The following TTF2 variants were observed in gnomAD, a reference collection of about 807,000 sequenced individuals.
TTF2 encodes the protein transcription termination factor 2.
A neutral mutation model predicts 142.4 loss-of-function variants in TTF2; 108 were observed. That is an observed-to-expected ratio of 0.76 (90% CI 0.65 to 0.89). The LOEUF is 0.89. Among genes scored for constraint, TTF2 ranks in the 40% least tolerant of loss-of-function variants. The pLI, the probability that TTF2 is intolerant of heterozygous loss-of-function variation, is 0.00. For missense variants in TTF2, 1,327 were observed against 1,379.8 expected (o/e 0.96, Z 0.61); for synonymous variants, 483 against 506.2 (o/e 0.95, Z 0.61).
intron 3 of TTF2, among the ~76,000 whole-genome samples, chr1:117,068,878 A>T (rs994751341): frequency 1.3e-5 from 2 of 152,214 alleles, no homozygotes; most frequent in Admixed American, 1.3e-4. Flanking sequence ...TGTATAAAGT[A>T]TAGTAACCCT....
In TTF2 at chr1:117,076,552, T is replaced by C; in HGVS notation, c.1391-89T>C. 2 of 1,343,376 alleles carry C rather than the reference T, an allele frequency of 1.5e-6. No individual in the cohort carries two copies. The highest frequency in any genetic ancestry group is 2.0e-6 in the Non-Finnish European group (2 of 980,700). The allele number at this position is 1,343,376 out of a possible 1,614,324, so 83.2% of individuals were successfully genotyped here. ...GAATCCTTCATCGGAATGGTGATGA[T>C]CCCTCTCTCTTGACCTCACCTCCAC... On this transcript the variant is annotated intron_variant, in intron 6 of 22. Coordinates refer to ENST00000369466, the MANE Select transcript of TTF2 (RefSeq NM_003594.4). The surrounding 1 kb of genome is among the most constrained non-coding windows in gnomAD (Gnocchi z 4.6).
At chr1:117,072,324 C>T (rs1656643310) in intron 3 of TTF2, among the ~76,000 whole-genome samples, 1 of 151,934 alleles carries the variant, frequency 6.6e-6, no homozygotes, top group Admixed American at 6.6e-5. Context: ...TGTATCCTAT[C>T]CACTTCACCC....
At chr1:117,088,282 A>T (rs1213949787) in intron 12 of TTF2, among the ~76,000 whole-genome samples, 2 of 152,218 alleles carry the variant, frequency 1.3e-5, no homozygotes, top group East Asian at 3.9e-4. Flanking sequence ...TCATGCCTGT[A>T]ATCCCAGCAC....
At chr1:117,091,257 A>G in intron 15 of TTF2, 71 bp from the exon 16 acceptor site, 1 of 1,302,850 alleles carries the variant, frequency 7.7e-7, no homozygotes, top group Non-Finnish European at 1.1e-6. Context: ...TCAAGATCCC[A>G]CTGCAGGCAC....
Position 117,080,008 on chromosome 1 carries a change from CTTTT to C in TTF2, c.1783+374_1783+377del, listed in dbSNP as rs544511918. 2.2e-5 allele frequency among the ~76,000 whole-genome samples: 3 copies of C among 138,944 alleles called. No homozygotes were observed. The highest frequency in any genetic ancestry group is 5.3e-5 in the African/African-American group (2 of 38,028). 91.2% of individuals were successfully genotyped at this position (138,944 alleles called of 152,430 possible). ...ACAAACAGCAGTCTATTGCCTCCCT[CTTTT>C]TTTTTTTTTTTTTTGAGATGGAGTT... On this transcript the variant is annotated intron_variant, in intron 9 of 22. Coordinates refer to ENST00000369466, the MANE Select transcript of TTF2 (RefSeq NM_003594.4). The surrounding 1 kb of genome is among the most constrained non-coding windows in gnomAD (Gnocchi z 4.3).
chr1:117,086,531 G>A lies in TTF2; in HGVS notation c.2160+9G>A, dbSNP rs201317581. ...CAAACCTCAATGTGGAGGTGAGGCT[G>A]GGGGGCAGCCAGGGAAGTGGAGTTG... On this transcript the variant is annotated intron_variant, in intron 12 of 22. Transcript: ENST00000369466. This position sits in a 1 kb window ranked among gnomAD's most constrained non-coding sequence, Gnocchi z 4.2. 56 of 1,606,348 alleles carry A rather than the reference G, an allele frequency of 3.5e-5. No homozygotes were observed. In the Middle Eastern group the frequency reaches 5.0e-4, roughly 14 times the overall value.
At chr1:117,072,841 C>G (rs1366205360) in intron 3 of TTF2, among the ~76,000 whole-genome samples, 6 of 152,204 alleles carry the variant, frequency 3.9e-5, no homozygotes, top group South Asian at 4.1e-4. Flanking sequence ...ATTGCAGCCT[C>G]TGGCCTCAAA....
intron 3 of TTF2, among the ~76,000 whole-genome samples, chr1:117,072,422 C>CTTTTTT (rs34927356): frequency 6.9e-5 from 7 of 102,032 alleles, no homozygotes; most frequent in East Asian, 2.7e-4. Context: ...AAGATACGGA[C>CTTTTTT]TTTTTTTTTT....
At position 117,084,188 on chromosome 1, in the gene TTF2, G is replaced by A; in HGVS notation, c.2054+20G>A. ...CAGAGTGTAAGTGCAGGAATACGCA[G>A]TTGTGGGGGCGTTCAGCACCTCTGC... On this transcript the variant is annotated intron_variant, in intron 11 of 22. Transcript: ENST00000369466. The A allele has an allele frequency of 2.5e-6, 4 of 1,613,534 alleles. No homozygotes were observed. Among genetic ancestry groups the A allele is most frequent in the Non-Finnish European group, 3.4e-6 (4 of 1,179,490 alleles).
Position 117,090,643 on chromosome 1 carries a change from A to G in TTF2, c.2588+20A>G. ...ATCAAGGTGTGTGTATTAAAGAAGC[A>G]CCTTCTCACACACATTGTTTTATTC... On this transcript the variant is annotated intron_variant, in intron 15 of 22. Transcript: ENST00000369466. The surrounding 1 kb of genome is among the most constrained non-coding windows in gnomAD (Gnocchi z 4.8). 6.3e-7 allele frequency: 1 copy of G among 1,575,654 alleles called. No homozygotes were observed. Among genetic ancestry groups the G allele is most frequent in the South Asian group, 1.1e-5 (1 of 87,850 alleles).
intron 19 of TTF2, 150 bp from the exon 20 acceptor site, chr1:117,095,999 T>C: frequency 1.3e-6 from 1 of 748,620 alleles, no homozygotes. Flanking sequence ...AGATATGACC[T>C]AAATGTGTGC....
chr1:117,063,886 G>T lies in TTF2; in HGVS notation c.218+1413G>T, dbSNP rs1454985547. On this transcript the variant is annotated intron_variant, in intron 3 of 22. Coordinates refer to ENST00000369466, the MANE Select transcript of TTF2 (RefSeq NM_003594.4). The surrounding 1 kb of genome is among the most constrained non-coding windows in gnomAD (Gnocchi z 4.1). ...TAGTTTTACTTGAACTAATTTATGT[G>T]TGTGTGTATATTCTATACAATTTTA... is the stretch of plus-strand genomic sequence containing the variant. Among the ~76,000 whole-genome samples the T allele has an allele frequency of 6.6e-6, 1 of 152,148 alleles. No individual in the cohort carries two copies. The highest frequency in any genetic ancestry group is 6.5e-5 in the Admixed American group (1 of 15,282).
chr1:117,085,247 A>G lies in TTF2; in HGVS notation c.2054+1079A>G, dbSNP rs1647903649. Among the ~76,000 whole-genome samples the G allele has an allele frequency of 6.6e-6, 1 of 152,166 alleles. No individual in the cohort carries two copies. Among genetic ancestry groups the G allele is most frequent in the African/African-American group, 2.4e-5 (1 of 41,438 alleles). On this transcript the variant is annotated intron_variant, in intron 11 of 22. Coordinates refer to ENST00000369466, the MANE Select transcript of TTF2 (RefSeq NM_003594.4). The surrounding 1 kb of genome is among the most constrained non-coding windows in gnomAD (Gnocchi z 4.7). ...TGAATTAGGCATATCATTTTTATCA[A>G]AAGTATTTATTGAGGTTCTCTTGGG...
At chr1:117,060,763 C>A (rs1655607930) in intron 2 of TTF2, among the ~76,000 whole-genome samples, 1 of 152,204 alleles carries the variant, frequency 6.6e-6, no homozygotes, top group Non-Finnish European at 1.5e-5. Context: ...TGACCCGAGG[C>A]TGGTTACCCC....
chr1:117,083,938 G>A (rs573846091), intron 10 of TTF2, 80 bp from the exon 11 acceptor site: 110 of 1,530,166 alleles, frequency 7.2e-5, no homozygotes, highest in Non-Finnish European at 9.1e-5. Flanking sequence ...CAGCAAGACC[G>A]TGTCTCCATA....
Position 117,088,870 on chromosome 1 carries a change from A to T in TTF2, c.2230A>T (p.Asn744Tyr). The change falls in exon 13 of 23, where the codon AAT (asparagine) becomes TAT (tyrosine). Residue 744 changes from asparagine (N) to tyrosine (Y), a missense_variant. Physicochemically the swap from Asn to Tyr is moderately radical, Grantham distance 143. Coordinates refer to ENST00000369466, the MANE Select transcript of TTF2 (RefSeq NM_003594.4). ...IILDEAHNVK[N>Y]PRVQTSIAVC... is the part of the protein sequence containing the mutation. ...ATTGGATGAAGCTCACAATGTTAAG[A>T]ATCCCCGAGTGCAGACTTCCATAGC... is the stretch of plus-strand genomic sequence containing the variant. 1.2e-6 allele frequency: 2 copies of T among 1,614,198 alleles called. No homozygotes were observed. Among genetic ancestry groups the T allele is most frequent in the Non-Finnish European group, 1.7e-6 (2 of 1,180,024 alleles).
At chr1:117,083,921 G>A in intron 10 of TTF2, 97 bp from the exon 11 acceptor site, 2 of 1,443,206 alleles carry the variant, frequency 1.4e-6, no homozygotes, top group South Asian at 2.6e-5. Flanking sequence ...AGACAGCCTG[G>A]GTAACACAGC....
chr1:117,077,937 T>C lies in TTF2; in HGVS notation c.1595T>C (p.Val532Ala), dbSNP rs1340611423. 3 of 1,614,202 alleles carry C rather than the reference T, an allele frequency of 1.9e-6. No individual in the cohort carries two copies. Among genetic ancestry groups the C allele is most frequent in the Non-Finnish European group, 2.5e-6 (3 of 1,180,026 alleles). The stretch of plus-strand genomic sequence containing the variant: ...GCAGGCCATACAAACCAAGATCACG[T>C]TCATGCAGTGTGGAAAATCACAAGT... ...CYRGHTNQDH[V>A]HAVWKITSEA... Residue 532 changes from valine to alanine, a missense_variant, in exon 8 of 23, where the codon GTT becomes GCT. Physicochemically the swap from Val to Ala is moderately conservative, Grantham distance 64. Coordinates refer to ENST00000369466, the MANE Select transcript of TTF2 (RefSeq NM_003594.4).
rs1648675904 is a variant in TTF2, at chr1:117,092,422, A to G, written c.2806-309A>G. Among the ~76,000 whole-genome samples, 2 of 152,210 alleles carry G rather than the reference A, an allele frequency of 1.3e-5. No individual in the cohort carries two copies. The highest frequency in any genetic ancestry group is 4.1e-4 in the South Asian group (2 of 4,820). Reference sequence around the variant, plus strand: ...CATCCAAAATTAAGAGGAGTATTCTATTCATTTAAGGAGCTGTAATAATGT... The same window carrying G: ...CATCCAAAATTAAGAGGAGTATTCTGTTCATTTAAGGAGCTGTAATAATGT... On this transcript the variant is annotated intron_variant, in intron 17 of 22. Transcript: ENST00000369466. The surrounding 1 kb of genome is among the most constrained non-coding windows in gnomAD (Gnocchi z 4.4).
Sources: gnomAD v4.1 joint callset for allele counts (sites outside exome capture counted in the v4.1 genomes callset) on GRCh38, gnomAD v4.1.1 for gene constraint, Gnocchi (gnomAD v3.1) non-coding constraint, MANE v1.5 for transcripts, NCBI Gene and HGNC (gene_info 2026-07-23, HGNC 2026-07-21) for gene names.